The following NAALADL2 variants were observed in gnomAD, a reference collection of about 807,000 sequenced individuals.
NAALADL2 encodes inactive N-acetylated-alpha-linked acidic dipeptidase-like protein 2.
A neutral mutation model predicts 87.2 loss-of-function variants in NAALADL2; 76 were observed. That is an observed-to-expected ratio of 0.87 (90% CI 0.72 to 1.05). The LOEUF is 1.05. Among genes scored for constraint, NAALADL2 ranks in the 50% least tolerant of loss-of-function variants. The pLI is 0.00. For missense variants in NAALADL2, 1,089 were observed against 945.8 expected, an observed-to-expected ratio of 1.15 and a Z score of -1.99; for synonymous variants, 354 against 331.0, an observed-to-expected ratio of 1.07 and a Z score of -0.75.
At chr3:175,250,527 A>G (rs1355058594) in intron 3 of NAALADL2, among the ~76,000 whole-genome samples, 2 of 152,194 alleles carry the variant, frequency 1.3e-5, no homozygotes, top group Non-Finnish European at 2.9e-5. Context: ...AAATTTTAAC[A>G]ATAGTCATTA....
At chr3:175,504,449 C>T (rs994023636) in intron 9 of NAALADL2, among the ~76,000 whole-genome samples, 1 of 152,026 alleles carries the variant, frequency 6.6e-6, no homozygotes, top group African/African-American at 2.4e-5. Flanking sequence ...GAGATAGGGT[C>T]TATAGGAGGC....
intron 1 of NAALADL2, among the ~76,000 whole-genome samples, chr3:174,922,404 C>A (rs1026713852): frequency 3.3e-5 from 5 of 151,672 alleles, no homozygotes; most frequent in Admixed American, 1.3e-4. Flanking sequence ...AAATAAGACA[C>A]AAGTTTCATA....
chr3:175,614,148 G>C (rs1008836930), intron 10 of NAALADL2, among the ~76,000 whole-genome samples: 8 of 152,156 alleles, frequency 5.3e-5, no homozygotes, highest in African/African-American at 1.7e-4. Context: ...CACCTCCGGG[G>C]TTCAAGCAAT....
At chr3:175,467,890 T>C (rs1220584613) in intron 8 of NAALADL2, among the ~76,000 whole-genome samples, 1 of 152,134 alleles carries the variant, frequency 6.6e-6, no homozygotes, top group Non-Finnish European at 1.5e-5. Flanking sequence ...TGGAATATGA[T>C]AGCTGATAAT....
chr3:175,169,350 C>T (rs1277117102), intron 2 of NAALADL2, among the ~76,000 whole-genome samples: 1 of 151,388 alleles, frequency 6.6e-6, no homozygotes, highest in African/African-American at 2.4e-5. Flanking sequence ...AGTTCTCGTT[C>T]TGCTACTTAC....
At chr3:174,704,132 T>C (rs1471838716) in intron 2 of NAALADL2, among the ~76,000 whole-genome samples, 1 of 152,178 alleles carries the variant, frequency 6.6e-6, no homozygotes. Flanking sequence ...GGGATTTTTG[T>C]TGTTGTTATT....
chr3:175,706,362 A>G (rs1278918555), intron 11 of NAALADL2, among the ~76,000 whole-genome samples: 2 of 152,172 alleles, frequency 1.3e-5, no homozygotes, highest in East Asian at 1.9e-4. Context: ...GTAAAGGTCA[A>G]TTTGTAAATT....
Position 175,755,363 on chromosome 3 carries a change from C to T in NAALADL2, c.2134C>T (p.Leu712Phe). 6.2e-7 allele frequency: 1 copy of T among 1,611,772 alleles called. No homozygotes were observed. The highest frequency in any genetic ancestry group is 8.5e-7 in the Non-Finnish European group (1 of 1,178,812). The change falls in exon 13 of 14, where the codon CTC (leucine) becomes TTC (phenylalanine). Residue 712 changes from leucine to phenylalanine, a missense_variant. Physicochemically the swap from Leu to Phe is conservative, Grantham distance 22. Coordinates refer to ENST00000454872, the MANE Select transcript of NAALADL2 (RefSeq NM_207015.3). ...CCGCATCCGGATGCTGAATGACATT[C>T]TCCAAGACATGGAGAAAAGCTTTCT... ...PIRIRMLNDI[L>F]QDMEKSFLVK...
At chr3:174,781,007 G>C (rs1344744007) in intron 3 of NAALADL2, among the ~76,000 whole-genome samples, 2 of 152,008 alleles carry the variant, frequency 1.3e-5, no homozygotes, top group African/African-American at 4.8e-5. Context: ...TTGCTTGTCT[G>C]TAAAGGATTT....
At chr3:175,004,337 C>T (rs930875640) in intron 1 of NAALADL2, among the ~76,000 whole-genome samples, 2 of 142,556 alleles carry the variant, frequency 1.4e-5, no homozygotes, top group Admixed American at 1.5e-4. Flanking sequence ...CATGTTCACG[C>T]CTCTACACTC....
At chr3:175,490,852 ATAGCCAAATAGCTGGGTTAATTAT>A (rs1727970524) in intron 9 of NAALADL2, among the ~76,000 whole-genome samples, 1 of 152,142 alleles carries the variant, frequency 6.6e-6, no homozygotes, top group South Asian at 2.1e-4. Context: ...GTGGAACATC[ATAGCCAAATAGCTGGGTTAATTAT>A]TACCTTATAG....
intron 9 of NAALADL2, among the ~76,000 whole-genome samples, chr3:175,524,461 A>G (rs1210269952): frequency 6.6e-6 from 1 of 152,142 alleles, no homozygotes; most frequent in East Asian, 1.9e-4. Context: ...TATAATCTAC[A>G]TTTTGGGAGA....
intron 10 of NAALADL2, among the ~76,000 whole-genome samples, chr3:175,615,951 A>G (rs1188997088): frequency 3.4e-5 from 5 of 147,452 alleles, no homozygotes; most frequent in African/African-American, 9.9e-5. Context: ...GTTATATAGT[A>G]TATATTATAT....
chr3:175,316,251 A>T lies in NAALADL2; in HGVS notation c.940-7924A>T, dbSNP rs563172294. Among the ~76,000 whole-genome samples, 8 of 152,286 alleles carry T rather than the reference A, an allele frequency of 5.3e-5. No homozygotes were observed. In the South Asian group the frequency reaches 1.4e-3, roughly 28 times the overall value. Reference sequence around the variant, plus strand: ...CCTTGTCAAAGAAAGGGAGGAAAATATTACCCAGTTCAAGTAAAAGGAGTA... The same window carrying T: ...CCTTGTCAAAGAAAGGGAGGAAAATTTTACCCAGTTCAAGTAAAAGGAGTA... On this transcript the variant is annotated intron_variant, in intron 4 of 13. Coordinates refer to ENST00000454872, the MANE Select transcript of NAALADL2 (RefSeq NM_207015.3).
At chr3:175,439,987 C>T (rs1186536390) in intron 5 of NAALADL2, among the ~76,000 whole-genome samples, 1 of 151,852 alleles carries the variant, frequency 6.6e-6, no homozygotes, top group East Asian at 1.9e-4. Context: ...AGGGTTTTTT[C>T]CCAACGTTAT....
At chr3:175,714,144 A>G (rs2095813641) in intron 11 of NAALADL2, among the ~76,000 whole-genome samples, 2 of 151,976 alleles carry the variant, frequency 1.3e-5, no homozygotes, top group Non-Finnish European at 1.5e-5. Flanking sequence ...TGGGCATTTG[A>G]GTTGGTTCCA....
chr3:174,533,642 A>C (rs1036711414), intron 1 of NAALADL2, among the ~76,000 whole-genome samples: 54 of 135,534 alleles, frequency 4.0e-4, no homozygotes, highest in African/African-American at 1.1e-3. Flanking sequence ...AAAAAAAAAA[A>C]CCCACAGATT....
intron 1 of NAALADL2, among the ~76,000 whole-genome samples, chr3:174,498,368 A>G (rs926989869): frequency 6.6e-6 from 1 of 151,950 alleles, no homozygotes; most frequent in Non-Finnish European, 1.5e-5. Context: ...ATTTATGTTT[A>G]AAAATATTTT....
intron 1 of NAALADL2, among the ~76,000 whole-genome samples, chr3:174,508,113 G>GGGTTTTTTTTGTTT (rs1719325520): frequency 2.2e-5 from 2 of 92,942 alleles, no homozygotes; most frequent in African/African-American, 3.9e-5. Flanking sequence ...GATATCTAGT[G>GGGTTTTTTTTGTTT]GTTTTTTTTT....
Sources: allele counts gnomAD v4.1 joint callset (sites outside exome capture counted in the v4.1 genomes callset), GRCh38; gene constraint gnomAD v4.1.1; transcripts MANE v1.5; gene names NCBI Gene and HGNC (gene_info 2026-07-23, HGNC 2026-07-21).